The following PATJ variants were observed in gnomAD, a reference collection of about 807,000 sequenced individuals.
PATJ encodes inaD-like protein.
PATJ carries 190 observed loss-of-function variants against 224.9 expected under a neutral mutation model. That is an observed-to-expected ratio of 0.84 (90% CI 0.75 to 0.95). The LOEUF is 0.95. Ranked by LOEUF, PATJ falls within the 40% of genes least tolerant of loss-of-function variation. The pLI is 0.00. For synonymous variants in PATJ, 769 were observed against 820.3 expected (o/e 0.94, Z 1.07); for missense variants, 2,121 against 2,270.3 (o/e 0.93, Z 1.34).
At chr1:61,774,367 G>T (rs551689301) in intron 6 of PATJ, among the ~76,000 whole-genome samples, 1 of 152,110 alleles carries the variant, frequency 6.6e-6, no homozygotes, top group Non-Finnish European at 1.5e-5. Context: ...TTCTGCAGGT[G>T]GATTATGTGA....
rs78516625 is a variant in PATJ at position 62,145,361 on chromosome 1, T to C, written c.5272-2923T>C. On this transcript the variant is annotated intron_variant, in intron 41 of 43. Transcript: ENST00000642238. ...ATGTATGCAGTTCATTAGATAGTGA[T>C]GGTGGTAAGAAGGAAACAGGCCAGG... Among the ~76,000 whole-genome samples, 365 of 152,310 alleles carry C rather than the reference T, an allele frequency of 2.4e-3. 1 individual carries two copies. The highest frequency in any genetic ancestry group is 8.4e-3 in the African/African-American group (349 of 41,576).
At chr1:62,064,245 A>G (rs1656024646) in intron 31 of PATJ, among the ~76,000 whole-genome samples, 1 of 151,966 alleles carries the variant, frequency 6.6e-6, no homozygotes, top group Non-Finnish European at 1.5e-5. Flanking sequence ...TTCTGAGTCT[A>G]CTAAGATGAT....
chr1:61,982,416 A>G (rs1379499743), intron 27 of PATJ, among the ~76,000 whole-genome samples: 1 of 152,018 alleles, frequency 6.6e-6, no homozygotes, highest in African/African-American at 2.4e-5. Context: ...AGGTCACAGC[A>G]CTTGGATTCA....
chr1:61,808,355 A>G (rs191951076), intron 13 of PATJ, 119 bp from the exon 14 acceptor site: 2 of 669,080 alleles, frequency 3.0e-6, no homozygotes, highest in East Asian at 5.5e-5. Context: ...TAAGAAAGGT[A>G]TCGGAATGTA....
At chr1:61,860,741 C>T (rs1425755345) in intron 18 of PATJ, among the ~76,000 whole-genome samples, 3 of 151,648 alleles carry the variant, frequency 2.0e-5, no homozygotes, top group Non-Finnish European at 2.9e-5. Context: ...GCAGGAGAAT[C>T]GCTTGAACTG....
chr1:62,024,204 TG>T (rs1325123825), intron 29 of PATJ, among the ~76,000 whole-genome samples: 2 of 152,212 alleles, frequency 1.3e-5, no homozygotes, highest in African/African-American at 2.4e-5. Flanking sequence ...AGGCTGGTGC[TG>T]GCTTCATAGA....
At chr1:62,084,446 C>T (rs1331129674) in intron 32 of PATJ, 69 bp from the exon 33 acceptor site, 6 of 1,515,370 alleles carry the variant, frequency 4.0e-6, no homozygotes, top group South Asian at 3.9e-5. Context: ...ACACTCCCCA[C>T]GTGATGGAAC....
chr1:61,899,247 T>A (rs1431386040), intron 22 of PATJ, among the ~76,000 whole-genome samples: 1 of 152,110 alleles, frequency 6.6e-6, no homozygotes, highest in Non-Finnish European at 1.5e-5. Flanking sequence ...CAATACCAAG[T>A]TTTAAGGAAT....
intron 20 of PATJ, among the ~76,000 whole-genome samples, chr1:61,872,911 A>G (rs1222018798): frequency 6.6e-6 from 1 of 152,214 alleles, no homozygotes; most frequent in African/African-American, 2.4e-5. Flanking sequence ...CTTGCCCAGC[A>G]TTACCAAATT....
chr1:61,924,265 G>A (rs551102516), intron 26 of PATJ, among the ~76,000 whole-genome samples: 1 of 152,272 alleles, frequency 6.6e-6, no homozygotes, highest in South Asian at 2.1e-4. Flanking sequence ...CTACTTGGGA[G>A]GCTGAGGCAG....
chr1:61,870,845 C>G (rs921395787), intron 20 of PATJ, among the ~76,000 whole-genome samples: 2 of 152,148 alleles, frequency 1.3e-5, no homozygotes, highest in Non-Finnish European at 2.9e-5. Context: ...TTTCCATTAG[C>G]AAAGCACAAG....
chr1:62,012,689 C>G (rs1038000645), intron 28 of PATJ, among the ~76,000 whole-genome samples: 1 of 147,148 alleles, frequency 6.8e-6, no homozygotes, highest in Non-Finnish European at 1.5e-5. Flanking sequence ...TAGTTGGAAG[C>G]TGTATAACTT....
chr1:62,156,266 C>T (rs559326340), intron 43 of PATJ, among the ~76,000 whole-genome samples: 1 of 150,692 alleles, frequency 6.6e-6, no homozygotes, highest in African/African-American at 2.4e-5. Context: ...TGGTGGCTCA[C>T]GCCTGTAATC....
intron 29 of PATJ, among the ~76,000 whole-genome samples, chr1:62,028,654 A>G (rs1372762230): frequency 2.0e-5 from 3 of 152,090 alleles, no homozygotes; most frequent in East Asian, 3.8e-4. Context: ...GTGGTGGCAC[A>G]CACCTGTGGT....
At position 61,742,496 on chromosome 1, in the gene PATJ, G is replaced by C. The variant is rs1220586726; in HGVS notation, c.-95G>C. The stretch of plus-strand genomic sequence containing the variant: ...GGGCCTCTCACTTCCGCCCAGGTGA[G>C]GCAGGGCCGACACCGAGCCCGCCCG... On this transcript the variant is annotated 5_prime_UTR_variant, in exon 1 of 44. Coordinates refer to ENST00000642238, the MANE Select transcript of PATJ (RefSeq NM_001350145.3). The C allele has an allele frequency of 6.6e-6, 1 of 152,352 alleles. No individual in the cohort carries two copies. Among genetic ancestry groups the C allele is most frequent in the Non-Finnish European group, 1.5e-5 (1 of 68,206 alleles). The allele number at this position is 152,352 out of a possible 1,614,324, so 9.4% of individuals were successfully genotyped here.
chr1:62,072,282 C>G (rs557591281), intron 31 of PATJ, among the ~76,000 whole-genome samples: 1 of 151,974 alleles, frequency 6.6e-6, no homozygotes, highest in Non-Finnish European at 1.5e-5. Flanking sequence ...TTTCTGTAGC[C>G]GTGGTTTTTT....
rs535693633 is a variant in PATJ, at chr1:61,894,097, A to G, written c.3132-5486A>G. On this transcript the variant is annotated intron_variant, in intron 22 of 43. Coordinates refer to ENST00000642238, the MANE Select transcript of PATJ (RefSeq NM_001350145.3). ...TGGAGAAACCCCATCTCTACTAAAA[A>G]TACAAAATTAGCCGGGCTTGGTGGT... Among the ~76,000 whole-genome samples the G allele has an allele frequency of 4.6e-5, 7 of 152,068 alleles. No homozygotes were observed. The South Asian group carries it at 1.5e-3, about 32-fold the overall frequency.
At chr1:62,140,104 C>T (rs1322879696) in intron 41 of PATJ, among the ~76,000 whole-genome samples, 2 of 152,118 alleles carry the variant, frequency 1.3e-5, no homozygotes, top group African/African-American at 4.8e-5. Flanking sequence ...CCTTGTCTTC[C>T]TGCAAAAGAC....
intron 17 of PATJ, among the ~76,000 whole-genome samples, chr1:61,839,087 T>C (rs1465418379): frequency 3.3e-5 from 5 of 152,158 alleles, no homozygotes; most frequent in Non-Finnish European, 7.4e-5. Context: ...ACTGAAGCAG[T>C]TGGGCCCCAG....
Sources: gnomAD v4.1 joint callset for allele counts (sites outside exome capture counted in the v4.1 genomes callset) on GRCh38, gnomAD v4.1.1 for gene constraint, MANE v1.5 for transcripts, NCBI Gene and HGNC (gene_info 2026-07-23, HGNC 2026-07-21) for gene names.